The following CNBD2 variants were observed in gnomAD, a reference collection of about 807,000 sequenced individuals.
CNBD2 encodes the protein cyclic nucleotide-binding domain-containing protein 2.
A neutral mutation model predicts 63.7 loss-of-function variants in CNBD2; 64 were observed. The ratio of observed to expected loss-of-function variants is 1.00; its 90% confidence interval spans 0.82 to 1.24. The LOEUF is 1.24. Among genes scored for constraint, CNBD2 ranks in the 50% most tolerant of loss-of-function variants. CNBD2 has a pLI of 0.00. For synonymous variants in CNBD2, 229 were observed against 255.4 expected, an observed-to-expected ratio of 0.90 and a Z score of 0.99; for missense variants, 691 against 713.5, an observed-to-expected ratio of 0.97 and a Z score of 0.36.
chr20:35,996,157 A>G (rs1442792531), intron 8 of CNBD2, among the ~76,000 whole-genome samples: 2 of 152,072 alleles, frequency 1.3e-5, no homozygotes, highest in African/African-American at 4.8e-5. Flanking sequence ...GTGTTATATA[A>G]CCCCACTGAA....
chr20:35,998,155 C>CCT (rs1168551426), intron 8 of CNBD2, among the ~76,000 whole-genome samples: 1 of 151,022 alleles, frequency 6.6e-6, no homozygotes, highest in Non-Finnish European at 1.5e-5. Flanking sequence ...AATTCTCCTG[C>CCT]CTCAGCCTCC....
At chr20:36,012,854 A>G (rs1171722661) in intron 10 of CNBD2, among the ~76,000 whole-genome samples, 1 of 151,652 alleles carries the variant, frequency 6.6e-6, no homozygotes, top group Non-Finnish European at 1.5e-5. Flanking sequence ...TTCAATTTCT[A>G]AGAAATCCAT....
chr20:35,967,474 C>A (rs2056355760), upstream of CNBD2, among the ~76,000 whole-genome samples: 1 of 149,544 alleles, frequency 6.7e-6, no homozygotes, highest in Admixed American at 6.7e-5. Context: ...CTGGACCAGA[C>A]CTTGCTTCTG....
intron 11 of CNBD2, among the ~76,000 whole-genome samples, chr20:36,027,135 T>A (rs1438200870): frequency 6.6e-6 from 1 of 152,286 alleles, no homozygotes; most frequent in Admixed American, 6.5e-5. Flanking sequence ...TTCGTGAATA[T>A]GTGCCAAATA....
rs761781460 is a variant in CNBD2 at position 35,999,870 on chromosome 20, G to T, written c.970+4718G>T. Among the ~76,000 whole-genome samples, 4 of 151,832 alleles carry T rather than the reference G, an allele frequency of 2.6e-5. No individual in the cohort carries two copies. In the East Asian group the frequency reaches 5.8e-4, roughly 22 times the overall value. ...TTTTGTGTATTTTTAGTAGAGACAGGGTTTCACTATGTTGGCCAGGCTGGT... is the reference window on the plus strand; with the variant it reads ...TTTTGTGTATTTTTAGTAGAGACAGTGTTTCACTATGTTGGCCAGGCTGGT... On this transcript the variant is annotated intron_variant, in intron 8 of 11. Transcript: ENST00000373973.
At chr20:36,019,222 T>G in intron 10 of CNBD2, among the ~76,000 whole-genome samples, 1 of 151,932 alleles carries the variant, frequency 6.6e-6, no homozygotes, top group Non-Finnish European at 1.5e-5. Flanking sequence ...GAGACCTGAA[T>G]GATGAAAATA....
At chr20:35,970,676 G>T (rs1020909172) in intron 1 of CNBD2, among the ~76,000 whole-genome samples, 6 of 152,134 alleles carry the variant, frequency 3.9e-5, no homozygotes, top group Admixed American at 3.3e-4. Context: ...AGGATTGCAG[G>T]CATGAGCCAT....
At chr20:35,960,939 C>T (rs2056304546) in intron 2 of CNBD2, among the ~76,000 whole-genome samples, 1 of 151,344 alleles carries the variant, frequency 6.6e-6, no homozygotes, top group Non-Finnish European at 1.5e-5. Flanking sequence ...CCACCCCCCT[C>T]CTCCCGCTTT....
chr20:36,017,450 G>A (rs114096367), intron 10 of CNBD2, among the ~76,000 whole-genome samples: 138 of 152,228 alleles, frequency 9.1e-4, no homozygotes, highest in African/African-American at 3.2e-3. Context: ...CTCAGGGCTG[G>A]GAAGGTCAGT....
chr20:36,007,730 C>T (rs993355301), intron 8 of CNBD2, among the ~76,000 whole-genome samples: 1 of 152,126 alleles, frequency 6.6e-6, no homozygotes, highest in Non-Finnish European at 1.5e-5. Context: ...GCCATGTTGC[C>T]TAGGCTGGTC....
At chr20:36,014,398 C>T (rs559184611) in intron 10 of CNBD2, among the ~76,000 whole-genome samples, 4 of 149,492 alleles carry the variant, frequency 2.7e-5, no homozygotes, top group South Asian at 2.1e-4. Context: ...GGCGCCATCT[C>T]GGCTCACTGT....
Position 36,008,371 on chromosome 20 carries a change from C to G in CNBD2, c.1045C>G (p.Leu349Val). 6.8e-6 allele frequency: 11 copies of G among 1,614,046 alleles called. No individual in the cohort carries two copies. The highest frequency in any genetic ancestry group is 9.3e-6 in the Non-Finnish European group (11 of 1,179,980). Residue 349 changes from leucine to valine, a missense_variant, in exon 9 of 12, where the codon CTT (leucine) becomes GTT (valine). By Grantham distance (32) the Leu-to-Val change is conservative. Transcript: ENST00000373973. ...YPLQDFSSLK[L>V]PHLKKAWGLQ... ...TCTGCAAGACTTTAGCTCCTTGAAA[C>G]TTCCACATCTCAAAAAAGCCTGGGG...
At chr20:36,005,545 A>G (rs911908232) in intron 8 of CNBD2, among the ~76,000 whole-genome samples, 2 of 152,172 alleles carry the variant, frequency 1.3e-5, no homozygotes, top group African/African-American at 4.8e-5. Flanking sequence ...CATTTAAAAC[A>G]TTGGTAGATG....
chr20:36,029,206 T>TGCC (rs774509933), intron 11 of CNBD2, among the ~76,000 whole-genome samples: 1 of 152,194 alleles, frequency 6.6e-6, no homozygotes, highest in Non-Finnish European at 1.5e-5. Flanking sequence ...ATCACATGCT[T>TGCC]TCCCCCTCCT....
chr20:35,987,621 C>A lies in CNBD2; in HGVS notation c.855+88C>A, dbSNP rs114981818. On this transcript the variant is annotated intron_variant, in intron 7 of 11. Transcript: ENST00000373973. ...TGTGACCTGATGGTCAGAGTTTGAG[C>A]CCTTTTCTGCAACCTGTGCAATTCA... The A allele has an allele frequency of 9.3e-4, 1,363 of 1,460,600 alleles. 11 individuals carry two copies. In the African/African-American group the frequency reaches 0.017, roughly 18 times the overall value. The allele number at this position is 1,460,600 out of a possible 1,614,324, so 90.5% of individuals were successfully genotyped here.
At chr20:36,012,036 C>T (rs2794375) in intron 10 of CNBD2, among the ~76,000 whole-genome samples, 5,387 of 151,974 alleles carry the variant, frequency 0.035, 331 homozygotes, top group African/African-American at 0.12. Flanking sequence ...TGGTGGCTCA[C>T]GCCTGTAATC....
intron 10 of CNBD2, 119 bp downstream of exon 10, chr20:36,011,376 T>G: frequency 7.9e-7 from 1 of 1,259,976 alleles, no homozygotes. Context: ...TAAGGAATTA[T>G]GTTGATTTGT....
At chr20:36,029,166 TA>T (rs145473644) in intron 11 of CNBD2, among the ~76,000 whole-genome samples, 7 of 151,672 alleles carry the variant, frequency 4.6e-5, no homozygotes, top group Non-Finnish European at 8.8e-5. Flanking sequence ...GAATCTAGGT[TA>T]AAAAAAAATT....
chr20:36,028,129 TG>T (rs2057302831), intron 11 of CNBD2, among the ~76,000 whole-genome samples: 1 of 152,174 alleles, frequency 6.6e-6, no homozygotes, highest in African/African-American at 2.4e-5. Flanking sequence ...GAAATGGCCA[TG>T]TAGACCTGCC....
Sources: allele counts gnomAD v4.1 joint callset (sites outside exome capture counted in the v4.1 genomes callset), GRCh38; gene constraint gnomAD v4.1.1; transcripts MANE v1.5; gene names NCBI Gene and HGNC (gene_info 2026-07-23, HGNC 2026-07-21).